Variants in KCNIP4 observed in about 807,000 individuals in gnomAD.
KCNIP4 encodes potassium voltage-gated channel interacting protein 4, also known as Kv channel-interacting protein 4.
A neutral mutation model predicts 34.0 loss-of-function variants in KCNIP4; 12 were observed. The ratio of observed to expected loss-of-function variants is 0.35; its 90% CI spans 0.23 to 0.57. The LOEUF is 0.57. Among genes scored for constraint, KCNIP4 ranks in the 20% least tolerant of loss-of-function variants. The probability of loss-of-function intolerance (pLI) is 0.83; values close to 1 mark genes in which losing one functional copy is unlikely to be tolerated. For missense variants in KCNIP4, 238 were observed against 311.7 expected (o/e 0.76, Z 1.78); for synonymous variants, 124 against 102.2 (o/e 1.21, Z -1.29).
intron 2 of KCNIP4, among the ~76,000 whole-genome samples, chr4:20,873,913 CT>C (rs1031855994): frequency 7.2e-5 from 11 of 152,156 alleles, no homozygotes; most frequent in Non-Finnish European, 1.6e-4. Context: ...AATGCTCCTC[CT>C]TTTTTTCCCC....
chr4:20,947,238 G>A (rs543446253), intron 1 of KCNIP4, among the ~76,000 whole-genome samples: 5 of 152,026 alleles, frequency 3.3e-5, no homozygotes, highest in Admixed American at 1.3e-4. Context: ...GTGCCATCTC[G>A]GCTCACCACA....
chr4:21,183,566 G>A (rs542530623), intron 1 of KCNIP4, among the ~76,000 whole-genome samples: 1 of 149,606 alleles, frequency 6.7e-6, no homozygotes, highest in Non-Finnish European at 1.5e-5. Context: ...TCTGCATAAT[G>A]GCTGTAATTT....
chr4:21,025,543 GTTTTTTTTTTT>G lies in KCNIP4; in HGVS notation c.62-142845_62-142835del, dbSNP rs772689134. 3.2e-4 allele frequency among the ~76,000 whole-genome samples: 11 copies of G among 34,786 alleles called. 1 individual carries two copies. The South Asian group carries it at 7.5e-3, about 24-fold the overall frequency. 22.8% of individuals were successfully genotyped at this position (34,786 alleles called of 152,430 possible). A position where few individuals can be genotyped will look rare whatever the true frequency, so the allele number is the denominator to read the frequency against. On this transcript the variant is annotated intron_variant, in intron 1 of 8. Coordinates refer to ENST00000382152, the MANE Select transcript of KCNIP4 (RefSeq NM_025221.6). ...TGCAAAAAGGTCACTCATTGATACTGTTTTTTTTTTTTTTTTTTTTTTTTTTTTGAGACGGA... is the reference window on the plus strand; with the variant it reads ...TGCAAAAAGGTCACTCATTGATACTGTTTTTTTTTTTTTTTTTGAGACGGA...
chr4:21,724,952 C>T (rs1191060834), intron 1 of KCNIP4, among the ~76,000 whole-genome samples: 1 of 152,118 alleles, frequency 6.6e-6, no homozygotes, highest in Non-Finnish European at 1.5e-5. Flanking sequence ...GCTTCCTCTA[C>T]TCAGTCCTTA....
chr4:21,280,635 T>A (rs1762718513), intron 1 of KCNIP4, among the ~76,000 whole-genome samples: 2 of 152,224 alleles, frequency 1.3e-5, no homozygotes, highest in South Asian at 4.1e-4. Flanking sequence ...TTTTCTTCAA[T>A]AACCTACAGA....
At chr4:21,466,247 T>A (rs930393132) in intron 1 of KCNIP4, among the ~76,000 whole-genome samples, 2 of 152,096 alleles carry the variant, frequency 1.3e-5, no homozygotes, top group Non-Finnish European at 2.9e-5. Flanking sequence ...AACACCGAAC[T>A]CCAAAGTCTA....
intron 1 of KCNIP4, among the ~76,000 whole-genome samples, chr4:21,542,476 A>G (rs1460228167): frequency 1.3e-5 from 2 of 152,136 alleles, no homozygotes; most frequent in Non-Finnish European, 2.9e-5. Flanking sequence ...AACATGTTTT[A>G]AAATTTCAAT....
At chr4:21,905,984 C>A (rs887090387) in intron 1 of KCNIP4, among the ~76,000 whole-genome samples, 1 of 152,156 alleles carries the variant, frequency 6.6e-6, no homozygotes, top group African/African-American at 2.4e-5. Context: ...GGACTGCAAA[C>A]TTCAGCAGCC....
intron 1 of KCNIP4, among the ~76,000 whole-genome samples, chr4:21,769,671 C>T (rs1005093821): frequency 6.6e-6 from 1 of 152,080 alleles, no homozygotes; most frequent in Non-Finnish European, 1.5e-5. Flanking sequence ...GAGTCATTAT[C>T]ACATTACACC....
chr4:21,852,518 A>T (rs1009931433), intron 1 of KCNIP4: 4 of 152,208 alleles, frequency 2.6e-5, no homozygotes, highest in African/African-American at 9.6e-5. Context: ...ACAACCTGAG[A>T]AACTCTATTT....
intron 1 of KCNIP4, chr4:21,464,602 A>G (rs1405153652): frequency 6.6e-6 from 1 of 152,100 alleles, no homozygotes; most frequent in Non-Finnish European, 1.5e-5. Context: ...TTTATGCCCT[A>G]GCATATAATC....
intron 1 of KCNIP4, among the ~76,000 whole-genome samples, chr4:21,555,722 A>G (rs1033486401): frequency 5.9e-5 from 9 of 152,176 alleles, no homozygotes; most frequent in African/African-American, 2.2e-4. Flanking sequence ...TGCTTGAAAA[A>G]TACTTTTCTT....
At chr4:21,208,085 T>G (rs1199412177) in intron 1 of KCNIP4, among the ~76,000 whole-genome samples, 1 of 152,084 alleles carries the variant, frequency 6.6e-6, no homozygotes, top group Non-Finnish European at 1.5e-5. Flanking sequence ...TCAAGTGACC[T>G]GCCTGCCTCA....
intron 1 of KCNIP4, among the ~76,000 whole-genome samples, chr4:21,772,964 TG>T (rs1718902392): frequency 6.6e-6 from 1 of 152,150 alleles, no homozygotes; most frequent in Admixed American, 6.5e-5. Flanking sequence ...CTGTAGCTTT[TG>T]GATTAGTTTG....
chr4:21,811,550 G>C (rs182190092), intron 1 of KCNIP4, among the ~76,000 whole-genome samples: 2 of 152,160 alleles, frequency 1.3e-5, no homozygotes, highest in Non-Finnish European at 1.5e-5. Flanking sequence ...GGTAGGATTC[G>C]CTGAGCCTTC....
chr4:21,392,202 A>T (rs1845694), intron 1 of KCNIP4, among the ~76,000 whole-genome samples: 115,856 of 152,164 alleles, frequency 0.76, 45,941 homozygotes, highest in Non-Finnish European at 0.89. Context: ...CCATATGAGA[A>T]TTAGAACAAA....
At chr4:21,114,325 G>C (rs909624531) in intron 1 of KCNIP4, among the ~76,000 whole-genome samples, 4 of 152,030 alleles carry the variant, frequency 2.6e-5, no homozygotes, top group African/African-American at 9.7e-5. Flanking sequence ...AGAAAAATCT[G>C]TTAATTGCTT....
chr4:21,090,911 CTT>C (rs1746940542), intron 1 of KCNIP4, among the ~76,000 whole-genome samples: 1 of 152,130 alleles, frequency 6.6e-6, no homozygotes, highest in African/African-American at 2.4e-5. Flanking sequence ...ACAGAACAAT[CTT>C]AATAGAATCA....
intron 1 of KCNIP4, among the ~76,000 whole-genome samples, chr4:21,663,645 G>T (rs1748618085): frequency 6.6e-6 from 1 of 152,152 alleles, no homozygotes; most frequent in African/African-American, 2.4e-5. Context: ...ACTATGAGTG[G>T]TGTCTAATAC....
Sources: gnomAD v4.1 joint callset for allele counts (sites outside exome capture counted in the v4.1 genomes callset) on GRCh38, gnomAD v4.1.1 for gene constraint, MANE v1.5 for transcripts, NCBI Gene and HGNC (gene_info 2026-07-23, HGNC 2026-07-21) for gene names.